The following VDAC2 variants were observed in gnomAD, a reference collection of about 807,000 sequenced individuals.
VDAC2 encodes the protein voltage dependent anion channel 2, also known as non-selective voltage-gated ion channel VDAC2.
In VDAC2, 6 loss-of-function variants were observed where a neutral mutation model predicts 36.6. The observed-to-expected ratio is 0.16, with a 90% CI of 0.09 to 0.32. VDAC2 has a LOEUF of 0.32. VDAC2 is among the 10% of genes least tolerant of loss of function. The pLI is 1.00. For synonymous variants in VDAC2, 109 were observed against 123.8 expected (o/e 0.88, Z 0.79); for missense variants, 247 against 346.0 (o/e 0.71, Z 2.27).
chr10:75,219,094 A>T lies in VDAC2; in HGVS notation c.182A>T (p.Asp61Val). The part of the protein sequence containing the change: ...EFSTSGSSNT[D>V]TGKVTGTLET... ...TCAACGTCCGGTTCATCTAATACAG[A>T]CACTGGTAAAGTTACTGGGACCTTG... is the stretch of plus-strand genomic sequence containing the variant. Residue 61 changes from aspartate (D) to valine (V), a missense_variant, in exon 5 of 10, where the codon GAC becomes GTC. Around this residue, in one of 3 missense-constraint regions of VDAC2, gnomAD observed 76 missense variants for 76.9 expected, o/e 0.99. Coordinates refer to ENST00000332211, the MANE Select transcript of VDAC2 (RefSeq NM_001391963.1). The T allele has an allele frequency of 6.2e-7, 1 of 1,610,730 alleles. No homozygotes were observed. Among genetic ancestry groups the T allele is most frequent in the Non-Finnish European group, 8.5e-7 (1 of 1,179,304 alleles).
intron 3 of VDAC2, 91 bp from the exon 4 acceptor site, chr10:75,213,930 A>G: frequency 8.1e-7 from 1 of 1,234,470 alleles, no homozygotes; most frequent in South Asian, 1.2e-5. Flanking sequence ...AATATGTGGA[A>G]TCTTTTTGTT....
rs537061234 is a variant in VDAC2, at chr10:75,212,095, C to T, written c.32-135C>T. The T allele has an allele frequency of 1.4e-4, 106 of 747,958 alleles. 1 individual carries two copies. The South Asian group carries it at 1.5e-3, about 10-fold the overall frequency. 46.3% of individuals were successfully genotyped at this position (747,958 alleles called of 1,614,324 possible). A position where few individuals can be genotyped will look rare whatever the true frequency, so the allele number is the denominator to read the frequency against. On this transcript the variant is annotated intron_variant, in intron 2 of 9. Transcript: ENST00000332211. ...ATGGGTCGTTATAGTTCTATTGTAG[C>T]TCCTGACCGCATAAAAAACATTCCA... is the stretch of plus-strand genomic sequence containing the variant.
At chr10:75,212,996 T>C (rs1342249418) in intron 3 of VDAC2, among the ~76,000 whole-genome samples, 1 of 152,196 alleles carries the variant, frequency 6.6e-6, no homozygotes. Flanking sequence ...TTTTGTTCCA[T>C]ACCCTCCTCC....
intron 3 of VDAC2, 23 bp from the exon 4 acceptor site, chr10:75,213,998 C>G: frequency 6.2e-7 from 1 of 1,611,900 alleles, no homozygotes; most frequent in Non-Finnish European, 8.5e-7. Flanking sequence ...CATTTTGTTT[C>G]TTTTGCTGTC....
chr10:75,217,423 G>T (rs1335035738), intron 4 of VDAC2, among the ~76,000 whole-genome samples: 1 of 152,158 alleles, frequency 6.6e-6, no homozygotes, highest in African/African-American at 2.4e-5. Flanking sequence ...CATCACTCAA[G>T]CTAGAGTGCA....
chr10:75,225,378 T>C (rs922257770), intron 8 of VDAC2, among the ~76,000 whole-genome samples: 4 of 152,200 alleles, frequency 2.6e-5, no homozygotes, highest in African/African-American at 9.6e-5. Context: ...CAGATCCAAG[T>C]GGATTTGAGC....
chr10:75,213,527 G>A (rs1007229617), intron 3 of VDAC2, among the ~76,000 whole-genome samples: 15 of 152,104 alleles, frequency 9.9e-5, no homozygotes, highest in Admixed American at 9.2e-4. Flanking sequence ...GGCAGATCAC[G>A]AGGTCAGGAG....
chr10:75,229,612 T>C (rs2132285970), intron 8 of VDAC2, 32 bp from the exon 9 acceptor site: 1 of 1,554,318 alleles, frequency 6.4e-7, no homozygotes, highest in African/African-American at 1.4e-5. Flanking sequence ...TTGAAATATT[T>C]TTCTTACAGT....
intron 1 of VDAC2, 68 bp downstream of exon 1, chr10:75,211,006 C>T: frequency 1.1e-6 from 1 of 875,400 alleles, no homozygotes; most frequent in Non-Finnish European, 1.6e-6. Flanking sequence ...GAGGCCCGCG[C>T]CGGACTCGGA....
chr10:75,216,157 T>G (rs1315267180), intron 4 of VDAC2, among the ~76,000 whole-genome samples: 3 of 152,212 alleles, frequency 2.0e-5, no homozygotes, highest in Non-Finnish European at 4.4e-5. Flanking sequence ...AGCAGTGATT[T>G]TTAGTGTTTT....
At chr10:75,211,063 G>T in intron 1 of VDAC2, 71 bp from the exon 2 acceptor site, 1 of 1,413,394 alleles carries the variant, frequency 7.1e-7, no homozygotes, top group East Asian at 2.7e-5. Context: ...GCGGCCCCTC[G>T]CCCCTCTCTG....
chr10:75,210,821 A>C lies in VDAC2; in HGVS notation c.-143A>C. ...AGAGGACAGGGTTGCGGCGGGCGGAACGGTGTCTCCTTCACTTCGCCCTCC... is the reference window on the plus strand; with the variant it reads ...AGAGGACAGGGTTGCGGCGGGCGGACCGGTGTCTCCTTCACTTCGCCCTCC... On this transcript the variant is annotated 5_prime_UTR_variant, in exon 1 of 10. Transcript: ENST00000332211. 1.2e-5 allele frequency: 3 copies of C among 249,930 alleles called. No individual in the cohort carries two copies. Among genetic ancestry groups the C allele is most frequent in the Non-Finnish European group, 2.3e-5 (3 of 130,740 alleles). 15.5% of individuals were successfully genotyped at this position (249,930 alleles called of 1,614,324 possible). A position where few individuals can be genotyped will look rare whatever the true frequency, so the allele number is the denominator to read the frequency against.
In VDAC2 at chr10:75,228,927, C is replaced by A. The variant is rs1191443570; in HGVS notation, c.736-717C>A. 2.0e-5 allele frequency among the ~76,000 whole-genome samples: 3 copies of A among 152,174 alleles called. No homozygotes were observed. The East Asian group carries it at 5.8e-4, about 29-fold the overall frequency. On this transcript the variant is annotated intron_variant, in intron 8 of 9. Transcript: ENST00000332211. ...AATCTACTCTTTACTATGTCTTACT[C>A]TTCAGGGTTCATTCCAGCCCTTGAA...
intron 2 of VDAC2, among the ~76,000 whole-genome samples, chr10:75,211,917 C>G (rs963127769): frequency 6.6e-6 from 1 of 152,340 alleles, no homozygotes; most frequent in South Asian, 2.1e-4. Context: ...AATATCCATA[C>G]ACACAAATAC....
In VDAC2 at chr10:75,219,145, A is replaced by G. The variant is rs1257115771; in HGVS notation, c.233A>G (p.Tyr78Cys). 1 of 1,613,262 alleles carries G rather than the reference A, an allele frequency of 6.2e-7. No individual in the cohort carries two copies. Among genetic ancestry groups the G allele is most frequent in the Non-Finnish European group, 8.5e-7 (1 of 1,179,638 alleles). Reference sequence around the variant, plus strand: ...GAGACCAAATACAAGTGGTGTGAGTATGGTCTGACTTTCACAGAAAAGTGG... The same window carrying G: ...GAGACCAAATACAAGTGGTGTGAGTGTGGTCTGACTTTCACAGAAAAGTGG... Reference protein sequence around the residue: ...TLETKYKWCEYGLTFTEKWNT... With the variant: ...TLETKYKWCECGLTFTEKWNT... The change falls in exon 5 of 10, where the codon TAT (tyrosine) becomes TGT (cysteine). Residue 78 changes from tyrosine to cysteine, a missense_variant. Coordinates refer to ENST00000332211, the MANE Select transcript of VDAC2 (RefSeq NM_001391963.1).
intron 8 of VDAC2, among the ~76,000 whole-genome samples, chr10:75,226,655 G>T (rs1841961866): frequency 6.6e-6 from 1 of 151,894 alleles, no homozygotes; most frequent in Admixed American, 6.6e-5. Context: ...TAGAAATGAG[G>T]TTTCACCGTG....
At position 75,216,721 on chromosome 10, in the gene VDAC2, G is replaced by C. The variant is rs542204858; in HGVS notation, c.151-2342G>C. Among the ~76,000 whole-genome samples, 4 of 152,270 alleles carry C rather than the reference G, an allele frequency of 2.6e-5. No homozygotes were observed. The East Asian group carries it at 7.7e-4, about 29-fold the overall frequency. On this transcript the variant is annotated intron_variant, in intron 4 of 9. Coordinates refer to ENST00000332211, the MANE Select transcript of VDAC2 (RefSeq NM_001391963.1). ...GTGTATATAGGCTGGCTCTTGATCT[G>C]TGGGCTGATGAATGGCCGTAGGTGG...
intron 3 of VDAC2, among the ~76,000 whole-genome samples, chr10:75,213,560 C>T (rs1360094040): frequency 2.0e-5 from 3 of 151,894 alleles, no homozygotes; most frequent in African/African-American, 4.8e-5. Flanking sequence ...CTAGCTAACA[C>T]GGTGAAACCC....
At chr10:75,218,719 G>A (rs1218691438) in intron 4 of VDAC2, among the ~76,000 whole-genome samples, 2 of 151,398 alleles carry the variant, frequency 1.3e-5, no homozygotes, top group African/African-American at 4.9e-5. Context: ...CCGAGATCAC[G>A]CCACTGCACT....
Sources: gnomAD v4.1 joint callset for allele counts (sites outside exome capture counted in the v4.1 genomes callset) on GRCh38, gnomAD v4.1.1 for gene constraint, gnomAD v4.1.1 regional missense constraint, MANE v1.5 for transcripts, NCBI Gene and HGNC (gene_info 2026-07-23, HGNC 2026-07-21) for gene names.